Variants in MLXIPL observed in about 807,000 individuals in gnomAD.
MLXIPL encodes the protein MLX interacting protein like, also known as carbohydrate-responsive element-binding protein.
A neutral mutation model predicts 81.5 loss-of-function variants in MLXIPL; 49 were observed. That is an observed-to-expected ratio of 0.60 (90% CI 0.48 to 0.76). MLXIPL has a LOEUF of 0.76. Ranked by LOEUF, MLXIPL falls within the 30% of genes least tolerant of loss-of-function variation. The probability of loss-of-function intolerance (pLI) is 0.00; values close to 1 mark genes in which losing one functional copy is unlikely to be tolerated. For missense variants in MLXIPL, 1,053 were observed against 1,167.0 expected, an observed-to-expected ratio of 0.90 and a Z score of 1.42; for synonymous variants, 466 against 485.5, an observed-to-expected ratio of 0.96 and a Z score of 0.53.
the MLXIPL span, among the ~76,000 whole-genome samples, chr7:73,633,104 G>T: frequency 4.2e-5 from 6 of 141,226 alleles, no homozygotes; most frequent in African/African-American, 1.6e-4. Flanking sequence ...TATTTGAGAT[G>T]GAGTCTTGCT....
In MLXIPL at chr7:73,623,445, C is replaced by T. The variant is rs1796514181; in HGVS notation, c.293+755G>A. Among the ~76,000 whole-genome samples, 1 of 152,022 alleles carries T rather than the reference C, an allele frequency of 6.6e-6. No individual in the cohort carries two copies. Among genetic ancestry groups the T allele is most frequent in the African/African-American group, 2.4e-5 (1 of 41,396 alleles). On this transcript the variant is annotated intron_variant, in intron 1 of 16. Coordinates refer to ENST00000313375, the MANE Select transcript of MLXIPL (RefSeq NM_032951.3). The surrounding 1 kb of genome is among the most constrained non-coding windows in gnomAD (Gnocchi z 5.7). ...CGGGGCGTGGAGCGGCAGCGGGGCG[C>T]GGCCTGTGCGCTCTCGGTGGCACTA...
the MLXIPL span, among the ~76,000 whole-genome samples, chr7:73,639,505 G>A: frequency 2.6e-5 from 4 of 152,166 alleles, no homozygotes; most frequent in African/African-American, 9.7e-5. Flanking sequence ...ATAGCTGGAT[G>A]TGGTGGCTTG....
At chr7:73,604,650 C>CGGATAAAAGAATGTTCTCGGATAA (rs1795143771) in intron 7 of MLXIPL, among the ~76,000 whole-genome samples, 1 of 151,972 alleles carries the variant, frequency 6.6e-6, no homozygotes, top group African/African-American at 2.4e-5. Flanking sequence ...AAAGACTGGC[C>CGGATAAAAGAATGTTCTCGGATAA]AAGAGTTGAT....
chr7:73,637,068 A>G, the MLXIPL span, among the ~76,000 whole-genome samples: 1 of 152,002 alleles, frequency 6.6e-6, no homozygotes, highest in African/African-American at 2.4e-5. Flanking sequence ...TCAAAAAAAA[A>G]AAAAGAATAA....
At chr7:73,629,641 C>T in the MLXIPL span, among the ~76,000 whole-genome samples, 31 of 152,286 alleles carry the variant, frequency 2.0e-4, no homozygotes, top group Non-Finnish European at 3.7e-4. Context: ...GAGAGGATCG[C>T]TTGAGCTCAG....
At chr7:73,604,314 G>C (rs984014211) in intron 7 of MLXIPL, among the ~76,000 whole-genome samples, 1 of 150,268 alleles carries the variant, frequency 6.7e-6, no homozygotes, top group Non-Finnish European at 1.5e-5. Flanking sequence ...GCACACACCT[G>C]TAATCCCAGC....
intron 2 of MLXIPL, among the ~76,000 whole-genome samples, chr7:73,611,677 G>A (rs941235599): frequency 2.0e-5 from 3 of 152,058 alleles, no homozygotes; most frequent in African/African-American, 7.2e-5. Context: ...TTAGCCAGGC[G>A]TGGTGGCGCA....
the MLXIPL span, among the ~76,000 whole-genome samples, chr7:73,641,468 G>T: frequency 6.6e-6 from 1 of 152,148 alleles, no homozygotes; most frequent in African/African-American, 2.4e-5. Context: ...GCACAAAGGT[G>T]AACCTGGAGG....
chr7:73,596,520 G>C lies in MLXIPL; in HGVS notation c.1823-41C>G. The C allele has an allele frequency of 6.2e-7, 1 of 1,610,776 alleles. No individual in the cohort carries two copies. The highest frequency in any genetic ancestry group is 8.5e-7 in the Non-Finnish European group (1 of 1,178,620). Reference sequence around the variant, plus strand: ...ACAGACCCACAGAAAGACCGACCCAGGGGAAAGGGTCCCCATTGCCCCCTT... The same window carrying C: ...ACAGACCCACAGAAAGACCGACCCACGGGAAAGGGTCCCCATTGCCCCCTT... On this transcript the variant is annotated intron_variant, in intron 11 of 16. Transcript: ENST00000313375. The surrounding 1 kb of genome is among the most constrained non-coding windows in gnomAD (Gnocchi z 4.7).
chr7:73,638,613 T>TTTTGTTTG, the MLXIPL span, among the ~76,000 whole-genome samples: 2 of 151,872 alleles, frequency 1.3e-5, no homozygotes, highest in South Asian at 2.1e-4. Flanking sequence ...AACCCAGTAC[T>TTTTGTTTG]TTTGTTTGTT....
At chr7:73,602,674 C>T (rs113318778) in intron 7 of MLXIPL, among the ~76,000 whole-genome samples, 1 of 152,084 alleles carries the variant, frequency 6.6e-6, no homozygotes, top group East Asian at 2.0e-4. Context: ...AGCAAGATTC[C>T]ATCTCAAAAA....
intron 7 of MLXIPL, among the ~76,000 whole-genome samples, chr7:73,600,614 T>C (rs1584090707): frequency 3.2e-5 from 1 of 31,578 alleles, no homozygotes; most frequent in Middle Eastern, 0.028. Flanking sequence ...AGGGTGGGGA[T>C]GAGAGGGGGC....
the MLXIPL span, among the ~76,000 whole-genome samples, chr7:73,644,645 C>T: frequency 6.6e-6 from 1 of 152,146 alleles, no homozygotes; most frequent in African/African-American, 2.4e-5. Flanking sequence ...CTCTTTTCCT[C>T]CCCCCAGCCC....
Position 73,596,130 on chromosome 7 carries a change from G to A in MLXIPL, c.2058+23C>T, listed in dbSNP as rs1554593665. The A allele has an allele frequency of 1.2e-6, 2 of 1,609,580 alleles. No homozygotes were observed. Among genetic ancestry groups the A allele is most frequent in the Admixed American group, 1.7e-5 (1 of 59,948 alleles). On this transcript the variant is annotated intron_variant, in intron 13 of 16. Transcript: ENST00000313375. The surrounding 1 kb of genome is among the most constrained non-coding windows in gnomAD (Gnocchi z 4.7). ...AAAGGGGCCCTGTGGTTTTGGGGGT[G>A]CCAGCCTGGGCCCGGGGCTCACCTT...
chr7:73,604,092 T>C (rs1365862642), intron 7 of MLXIPL, among the ~76,000 whole-genome samples: 1 of 151,828 alleles, frequency 6.6e-6, no homozygotes, highest in Non-Finnish European at 1.5e-5. Flanking sequence ...GGCACATGCC[T>C]GTAATCCCAG....
the MLXIPL span, among the ~76,000 whole-genome samples, chr7:73,644,584 G>A: frequency 2.0e-5 from 3 of 152,138 alleles, no homozygotes; most frequent in African/African-American, 7.2e-5. Context: ...AATGAAATAT[G>A]TAAGTGAGAG....
chr7:73,596,193 T>C lies in MLXIPL; in HGVS notation c.2018A>G (p.His673Arg). The C allele has an allele frequency of 1.2e-6, 2 of 1,613,372 alleles. No individual in the cohort carries two copies. The highest frequency in any genetic ancestry group is 1.7e-6 in the Non-Finnish European group (2 of 1,179,946). The change falls in exon 13 of 17, where the codon CAT (histidine) becomes CGT (arginine). Residue 673 changes from histidine to arginine, a missense_variant. Around this residue, in one of 3 missense-constraint regions of MLXIPL, gnomAD observed 823 missense variants for 933.0 expected, o/e 0.88. Transcript: ENST00000313375. The surrounding 1 kb of genome is among the most constrained non-coding windows in gnomAD (Gnocchi z 4.7). ...GGCACTGAGTGTGCTCACGAGCCCA[T>C]GAAGGGTGTCAAACCCCAGCTTGAT... ...FNIKLGFDTL[H>R]GLVSTLSAQP...
At chr7:73,598,402 C>T (rs782765154) in intron 8 of MLXIPL, among the ~76,000 whole-genome samples, 1 of 152,106 alleles carries the variant, frequency 6.6e-6, no homozygotes, top group Non-Finnish European at 1.5e-5. Flanking sequence ...TATACATTTC[C>T]AGCCACTTAA....
Position 73,594,335 on chromosome 7 carries a change from G to T in MLXIPL, c.2379C>A (p.Thr793=). The part of the protein sequence containing the change: ...NGMVSTASVH[T]LRQTSLAWLD... ...GCCAGGCCAGTGAGGTCTGGCGGAGGGTGTGCACACTTGCCGTGGACACCA... is the reference window on the plus strand; with the variant it reads ...GCCAGGCCAGTGAGGTCTGGCGGAGTGTGTGCACACTTGCCGTGGACACCA... Residue 793 remains threonine (T), a synonymous_variant, in exon 16 of 17, where the codon ACC becomes ACA. Coordinates refer to ENST00000313375, the MANE Select transcript of MLXIPL (RefSeq NM_032951.3). The T allele has an allele frequency of 6.2e-7, 1 of 1,610,988 alleles. No homozygotes were observed.
Sources: gnomAD v4.1 joint callset for allele counts (sites outside exome capture counted in the v4.1 genomes callset) on GRCh38, gnomAD v4.1.1 for gene constraint, gnomAD v4.1.1 regional missense constraint, Gnocchi (gnomAD v3.1) non-coding constraint, MANE v1.5 for transcripts, NCBI Gene and HGNC (gene_info 2026-07-23, HGNC 2026-07-21) for gene names.